DHX9: variants seen among roughly 807,000 people sequenced by gnomAD.
The protein encoded by DHX9 is DExH-box helicase 9.
DHX9 carries 27 observed loss-of-function variants against 148.7 expected under a neutral mutation model. The observed-to-expected ratio is 0.18, with a 90% CI of 0.13 to 0.25. The LOEUF (loss-of-function observed/expected upper bound fraction) is 0.25. Among genes scored for constraint, DHX9 ranks in the 10% least tolerant of loss-of-function variants. The pLI is 1.00. For missense variants in DHX9, 796 were observed against 1,559.6 expected, an observed-to-expected ratio of 0.51 and a Z score of 8.25; for synonymous variants, 529 against 516.6, an observed-to-expected ratio of 1.02 and a Z score of -0.33.
intron 21 of DHX9, among the ~76,000 whole-genome samples, chr1:182,879,748 C>T (rs990759513): frequency 6.6e-6 from 1 of 152,080 alleles, no homozygotes; most frequent in Admixed American, 6.6e-5. Context: ...TTTTTTGAGA[C>T]GGAATCTCGC....
chr1:182,885,629 C>T (rs1483947210), intron 27 of DHX9, among the ~76,000 whole-genome samples: 5 of 152,154 alleles, frequency 3.3e-5, no homozygotes, highest in Non-Finnish European at 5.9e-5. Context: ...GATGTATTGG[C>T]ATTTGATCTA....
At chr1:182,844,615 C>T (rs879397129) in intron 3 of DHX9, among the ~76,000 whole-genome samples, 2 of 152,174 alleles carry the variant, frequency 1.3e-5, no homozygotes, top group Non-Finnish European at 2.9e-5. Flanking sequence ...CTCACTGCAA[C>T]CTCCACCTCC....
chr1:182,880,742 A>G, intron 22 of DHX9, 134 bp downstream of exon 22: 1 of 614,582 alleles, frequency 1.6e-6, no homozygotes, highest in African/African-American at 1.9e-5. Flanking sequence ...TAACATACCT[A>G]GATATTGAGA....
chr1:182,877,262 T>A (rs1420694451), intron 19 of DHX9, among the ~76,000 whole-genome samples: 1 of 152,146 alleles, frequency 6.6e-6, no homozygotes, highest in Non-Finnish European at 1.5e-5. Context: ...ATGACAAATA[T>A]CCTACCTTGA....
chr1:182,882,140 TAAAC>T (rs1649111764), intron 24 of DHX9, among the ~76,000 whole-genome samples: 1 of 152,218 alleles, frequency 6.6e-6, no homozygotes, highest in African/African-American at 2.4e-5. Context: ...TTGGAATAAC[TAAAC>T]AAAGTAGTGA....
intron 22 of DHX9, 26 bp downstream of exon 22, chr1:182,880,634 C>T (rs758397599): frequency 3.5e-5 from 50 of 1,408,748 alleles, no homozygotes; most frequent in Middle Eastern, 3.5e-4. Context: ...TATTTCTCTT[C>T]GTTAAGTGGC....
At chr1:182,839,948 G>A (rs1342784314) in intron 1 of DHX9, 1 of 152,326 alleles carries the variant, frequency 6.6e-6, no homozygotes, top group African/African-American at 2.4e-5. Context: ...AAGGCGTCTC[G>A]AAGGAGGGAG....
In DHX9 at chr1:182,854,084, T is replaced by C. The variant is rs769255733; in HGVS notation, c.532T>C (p.Leu178=). ...TGCTGGGCTTCATGGAAACTGGACCTTGGAAAATGCTAAAGCTCGTCTAAA... is the reference window on the plus strand; with the variant it reads ...TGCTGGGCTTCATGGAAACTGGACCCTGGAAAATGCTAAAGCTCGTCTAAA... ...LNAGLHGNWT[L]ENAKARLNQY... is the part of the protein sequence containing the mutation. Residue 178 remains leucine, a synonymous_variant, in exon 6 of 28, where the codon TTG becomes CTG. Transcript: ENST00000367549. 1 of 1,613,386 alleles carries C rather than the reference T, an allele frequency of 6.2e-7. No homozygotes were observed. Among genetic ancestry groups the C allele is most frequent in the African/African-American group, 1.3e-5 (1 of 75,004 alleles).
chr1:182,873,410 C>T (rs1289568959), intron 15 of DHX9, among the ~76,000 whole-genome samples: 1 of 152,130 alleles, frequency 6.6e-6, no homozygotes, highest in Non-Finnish European at 1.5e-5. Flanking sequence ...TATGGCTATG[C>T]CAGCATGCTA....
At chr1:182,884,948 A>T in intron 27 of DHX9, 135 bp downstream of exon 27, 5 of 763,462 alleles carry the variant, frequency 6.5e-6, no homozygotes, top group Non-Finnish European at 1.1e-5. Context: ...ATATAGATAG[A>T]GAGTTTGATG....
At chr1:182,882,879 AAGT>A in intron 24 of DHX9, among the ~76,000 whole-genome samples, 1 of 151,936 alleles carries the variant, frequency 6.6e-6, no homozygotes, top group South Asian at 2.1e-4. Context: ...AAAAAAAAAA[AAGT>A]AATCACCCCA....
At chr1:182,884,497 A>G in intron 26 of DHX9, 116 bp from the exon 27 acceptor site, 1 of 922,002 alleles carries the variant, frequency 1.1e-6, no homozygotes, top group South Asian at 1.8e-5. Context: ...TTTTTTTAAT[A>G]TTAATGCTTA....
At chr1:182,877,220 T>C (rs1648844993) in intron 19 of DHX9, among the ~76,000 whole-genome samples, 1 of 152,158 alleles carries the variant, frequency 6.6e-6, no homozygotes, top group Non-Finnish European at 1.5e-5. Context: ...TAGCATGCTG[T>C]TTGATGAATA....
chr1:182,875,510 T>TTTG (rs1491323846), intron 16 of DHX9, among the ~76,000 whole-genome samples: 1 of 152,158 alleles, frequency 6.6e-6, no homozygotes, highest in Non-Finnish European at 1.5e-5. Context: ...AAGAAAAGAC[T>TTTG]TTGTAGTGCT....
chr1:182,878,370 C>G (rs988771297), intron 20 of DHX9, among the ~76,000 whole-genome samples, 197 bp downstream of exon 20: 5 of 152,122 alleles, frequency 3.3e-5, no homozygotes, highest in African/African-American at 4.8e-5. Context: ...ATATAGAGAC[C>G]TAGATTTTAA....
rs1648310168 is a variant in DHX9, at chr1:182,866,670, GA to G, written c.1474+88del. ...GATAGCAGAACAGAATGACTGGAAA[GA>G]AATAATGAGCCAGTCTCAGATTTCT... On this transcript the variant is annotated intron_variant, in intron 13 of 27. Transcript: ENST00000367549. The G allele has an allele frequency of 3.5e-6, 5 of 1,437,612 alleles. No individual in the cohort carries two copies. The South Asian group carries it at 6.8e-5, about 20-fold the overall frequency. The allele number at this position is 1,437,612 out of a possible 1,614,324, so 89.1% of individuals were successfully genotyped here.
intron 12 of DHX9, among the ~76,000 whole-genome samples, chr1:182,862,681 G>A (rs918587488): frequency 2.0e-5 from 3 of 152,120 alleles, no homozygotes; most frequent in South Asian, 2.1e-4. Flanking sequence ...TGTATATAAC[G>A]CTTAGATGTG....
At chr1:182,852,734 T>A (rs1317685717) in intron 4 of DHX9, among the ~76,000 whole-genome samples, 1 of 152,208 alleles carries the variant, frequency 6.6e-6, no homozygotes, top group African/African-American at 2.4e-5. Context: ...TGAATAACTT[T>A]GTTTCCTTCA....
chr1:182,866,842 T>C, intron 13 of DHX9, 119 bp from the exon 14 acceptor site: 1 of 826,914 alleles, frequency 1.2e-6, no homozygotes, highest in Non-Finnish European at 1.9e-6. Context: ...ATAGTTTAAA[T>C]GTACATGTGA....
Sources: allele counts gnomAD v4.1 joint callset (sites outside exome capture counted in the v4.1 genomes callset), GRCh38; gene constraint gnomAD v4.1.1; transcripts MANE v1.5; gene names NCBI Gene and HGNC (gene_info 2026-07-23, HGNC 2026-07-21).